Variants in KCNH8 observed in about 807,000 individuals in gnomAD.
KCNH8 encodes voltage-gated delayed rectifier potassium channel KCNH8.
KCNH8 carries 70 observed loss-of-function variants against 103.6 expected under a neutral mutation model. The ratio of observed to expected loss-of-function variants is 0.68; its 90% CI spans 0.56 to 0.82. The LOEUF (loss-of-function observed/expected upper bound fraction) is 0.82, where lower values mean the gene tolerates loss of function less well. KCNH8 is among the 40% of genes least tolerant of loss of function. The pLI, the probability that KCNH8 is intolerant of heterozygous loss-of-function variation, is 0.00. For synonymous variants in KCNH8, 498 were observed against 489.4 expected, an observed-to-expected ratio of 1.02 and a Z score of -0.23; for missense variants, 1,217 against 1,329.9, an observed-to-expected ratio of 0.92 and a Z score of 1.32.
At chr3:19,307,418 G>C (rs2065144629) in intron 3 of KCNH8, among the ~76,000 whole-genome samples, 1 of 151,868 alleles carries the variant, frequency 6.6e-6, no homozygotes, top group African/African-American at 2.4e-5. Context: ...TGGAGAAAAG[G>C]GAACTCTTAT....
chr3:19,165,294 C>A (rs2063272263), intron 1 of KCNH8, among the ~76,000 whole-genome samples: 1 of 152,156 alleles, frequency 6.6e-6, no homozygotes, highest in African/African-American at 2.4e-5. Flanking sequence ...AATGACACGT[C>A]CTCTGCATTC....
At chr3:19,210,346 T>C (rs959827600) in intron 1 of KCNH8, among the ~76,000 whole-genome samples, 6 of 152,100 alleles carry the variant, frequency 3.9e-5, no homozygotes, top group African/African-American at 1.4e-4. Flanking sequence ...ATGCATAAAA[T>C]GAAATTGTAT....
intron 1 of KCNH8, among the ~76,000 whole-genome samples, chr3:19,166,034 A>C (rs1053707895): frequency 6.6e-6 from 1 of 152,220 alleles, no homozygotes; most frequent in African/African-American, 2.4e-5. Context: ...TCACATGGAC[A>C]AGCATGGGCT....
rs565418974 is a variant in KCNH8 at position 19,300,874 on chromosome 3, C to T, written c.442+19545C>T. Among the ~76,000 whole-genome samples, 240 of 151,462 alleles carry T rather than the reference C, an allele frequency of 1.6e-3. 1 individual carries two copies. The highest frequency in any genetic ancestry group is 5.1e-3 in the African/African-American group (210 of 41,446). ...TTTTTAACTCCTTTTAGTTTTATTT[C>T]ATTATTTTCTACCTTTTGCCTAAAT... On this transcript the variant is annotated intron_variant, in intron 3 of 15. Transcript: ENST00000328405.
intron 2 of KCNH8, among the ~76,000 whole-genome samples, chr3:19,265,477 C>G (rs781195781): frequency 1.3e-5 from 2 of 152,032 alleles, no homozygotes; most frequent in Admixed American, 6.6e-5. Flanking sequence ...AATGAATATT[C>G]TTTCCACCCC....
chr3:19,534,020 C>T lies in KCNH8; in HGVS notation c.3245C>T (p.Thr1082Ile), dbSNP rs745468925. ...WNQEGMASAS[T>I]KPLENLPLEV... is the part of the protein sequence containing the mutation. Reference sequence around the variant, plus strand: ...CAGGAAGGAATGGCATCAGCTTCTACAAAACCTTTGGAGAACCTTCCACTG... The same window carrying T: ...CAGGAAGGAATGGCATCAGCTTCTATAAAACCTTTGGAGAACCTTCCACTG... The change falls in exon 16 of 16, where the codon ACA (threonine) becomes ATA (isoleucine). Residue 1082 changes from threonine to isoleucine, a missense_variant. By Grantham distance (89) the Thr-to-Ile change is moderately conservative (BLOSUM62 -1). Coordinates refer to ENST00000328405, the MANE Select transcript of KCNH8 (RefSeq NM_144633.3). 2 of 1,614,174 alleles carry T rather than the reference C, an allele frequency of 1.2e-6. No homozygotes were observed. Among genetic ancestry groups the T allele is most frequent in the Admixed American group, 1.7e-5 (1 of 60,032 alleles).
intron 15 of KCNH8, among the ~76,000 whole-genome samples, chr3:19,522,213 A>C (rs958791971): frequency 2.6e-5 from 4 of 151,930 alleles, no homozygotes; most frequent in Admixed American, 2.0e-4. Flanking sequence ...ACTTGTATTA[A>C]TTGATTATTG....
intron 1 of KCNH8, among the ~76,000 whole-genome samples, chr3:19,244,772 T>C (rs7613011): frequency 0.063 from 9,551 of 152,282 alleles, 997 homozygotes; most frequent in African/African-American, 0.21. Flanking sequence ...ATGTCTTCTT[T>C]TGAGAAGTGT....
At chr3:19,511,218 G>A (rs778461284) in intron 12 of KCNH8, among the ~76,000 whole-genome samples, 10 of 145,792 alleles carry the variant, frequency 6.9e-5, no homozygotes, top group African/African-American at 2.0e-4. Context: ...TGTTCAACTC[G>A]CATGTATGAG....
At chr3:19,182,392 G>C (rs1239336088) in intron 1 of KCNH8, among the ~76,000 whole-genome samples, 1 of 152,136 alleles carries the variant, frequency 6.6e-6, no homozygotes, top group Non-Finnish European at 1.5e-5. Context: ...TTAGCCAGGC[G>C]TGGTGGCAGG....
chr3:19,280,897 G>A (rs957315890), intron 2 of KCNH8, among the ~76,000 whole-genome samples: 1 of 152,112 alleles, frequency 6.6e-6, no homozygotes, highest in African/African-American at 2.4e-5. Flanking sequence ...GAATGCTTCA[G>A]CATCAACGAG....
intron 5 of KCNH8, among the ~76,000 whole-genome samples, chr3:19,370,237 A>G (rs1407903381): frequency 6.6e-6 from 1 of 151,762 alleles, no homozygotes; most frequent in African/African-American, 2.4e-5. Flanking sequence ...ATAATTACCT[A>G]TTTGCTTGTG....
At chr3:19,203,742 GT>G (rs1030365592) in intron 1 of KCNH8, among the ~76,000 whole-genome samples, 1 of 151,912 alleles carries the variant, frequency 6.6e-6, no homozygotes, top group Admixed American at 6.6e-5. Context: ...CTCTGTTTAT[GT>G]TTTTTCTAGA....
chr3:19,409,421 G>A (rs558987276), intron 7 of KCNH8, among the ~76,000 whole-genome samples: 2 of 152,066 alleles, frequency 1.3e-5, no homozygotes, highest in African/African-American at 2.4e-5. Context: ...ACACACTGAA[G>A]TATACAGCTC....
chr3:19,231,597 T>C (rs1221876268), intron 1 of KCNH8, among the ~76,000 whole-genome samples: 2 of 152,186 alleles, frequency 1.3e-5, no homozygotes, highest in Non-Finnish European at 2.9e-5. Flanking sequence ...GTTGAAATGG[T>C]TCTTTCTAAT....
chr3:19,161,380 G>A (rs886788408), intron 1 of KCNH8, among the ~76,000 whole-genome samples: 5 of 152,074 alleles, frequency 3.3e-5, no homozygotes, highest in African/African-American at 1.2e-4. Context: ...CTTTTTTCGA[G>A]GGAAGCAGTA....
chr3:19,499,414 C>T (rs1036961815), intron 11 of KCNH8, among the ~76,000 whole-genome samples: 3 of 152,094 alleles, frequency 2.0e-5, no homozygotes, highest in Admixed American at 6.5e-5. Context: ...GGCAGGCCAA[C>T]ATTCAGATTC....
chr3:19,482,144 C>T (rs977428563), intron 11 of KCNH8, among the ~76,000 whole-genome samples: 3 of 152,060 alleles, frequency 2.0e-5, no homozygotes, highest in Admixed American at 1.3e-4. Flanking sequence ...GCACCTGCAC[C>T]GGTAATTAGA....
chr3:19,263,428 A>G (rs1463181011), intron 2 of KCNH8, among the ~76,000 whole-genome samples: 1 of 152,066 alleles, frequency 6.6e-6, no homozygotes, highest in Non-Finnish European at 1.5e-5. Flanking sequence ...TTCTTCTTCC[A>G]TGTGGAGTTA....
Sources: gnomAD v4.1 joint callset for allele counts (sites outside exome capture counted in the v4.1 genomes callset) on GRCh38, gnomAD v4.1.1 for gene constraint, MANE v1.5 for transcripts, NCBI Gene and HGNC (gene_info 2026-07-23, HGNC 2026-07-21) for gene names.